The following NRG3 variants were observed in gnomAD, a reference collection of about 807,000 sequenced individuals.
NRG3 encodes pro-neuregulin-3, membrane-bound isoform.
Under a neutral mutation model 66.9 loss-of-function variants are expected in NRG3, and 31 were observed. That is an observed-to-expected ratio of 0.46 (90% confidence interval 0.35 to 0.63). The LOEUF (loss-of-function observed/expected upper bound fraction) is 0.63, where lower values mean the gene tolerates loss of function less well. Among genes scored for constraint, NRG3 ranks in the 20% least tolerant of loss-of-function variants. The probability of loss-of-function intolerance (pLI) is 0.00; values close to 1 mark genes in which losing one functional copy is unlikely to be tolerated. For missense variants in NRG3, 910 were observed against 878.9 expected (o/e 1.04, Z -0.45); for synonymous variants, 393 against 359.4 (o/e 1.09, Z -1.06).
At chr10:82,279,488 C>T (rs1357129394) in intron 1 of NRG3, among the ~76,000 whole-genome samples, 1 of 152,184 alleles carries the variant, frequency 6.6e-6, no homozygotes, top group Non-Finnish European at 1.5e-5. Context: ...TCAATAAACA[C>T]TTCATGAAGA....
intron 1 of NRG3, among the ~76,000 whole-genome samples, chr10:82,330,505 T>C (rs1371616200): frequency 6.6e-6 from 1 of 152,214 alleles, no homozygotes; most frequent in Non-Finnish European, 1.5e-5. Flanking sequence ...TGAACTGTTC[T>C]ATTAATGGAA....
chr10:81,901,930 A>G (rs1276694113), intron 1 of NRG3, among the ~76,000 whole-genome samples: 1 of 152,156 alleles, frequency 6.6e-6, no homozygotes, highest in East Asian at 1.9e-4. Context: ...TTACTTAACA[A>G]CAGTTCCAGC....
In NRG3 at chr10:82,553,174, T is replaced by C. The variant is rs143465034; in HGVS notation, c.954-185403T>C. 8.2e-3 allele frequency among the ~76,000 whole-genome samples: 1,245 copies of C among 152,242 alleles called. 10 individuals are homozygous for C. Among genetic ancestry groups the C allele is most frequent in the Non-Finnish European group, 0.011 (778 of 68,000 alleles). On this transcript the variant is annotated intron_variant, in intron 2 of 8. Transcript: ENST00000372141. Reference sequence around the variant, plus strand: ...TTTCTAAAATGAAGGCAAATGGAATTGTATGCAGGTTATTGTCCACAGCGG... The same window carrying C: ...TTTCTAAAATGAAGGCAAATGGAATCGTATGCAGGTTATTGTCCACAGCGG...
intron 1 of NRG3, among the ~76,000 whole-genome samples, chr10:81,996,280 G>T (rs927114850): frequency 2.0e-5 from 3 of 152,148 alleles, no homozygotes; most frequent in African/African-American, 4.8e-5. Flanking sequence ...CACTGTGCAT[G>T]TCTGAAGTCT....
At chr10:82,310,165 T>C (rs1310950774) in intron 1 of NRG3, among the ~76,000 whole-genome samples, 1 of 152,180 alleles carries the variant, frequency 6.6e-6, no homozygotes, top group Non-Finnish European at 1.5e-5. Context: ...TGACCTCCAA[T>C]TGTAAGCGCG....
chr10:82,426,315 C>T (rs1238127933), intron 2 of NRG3, among the ~76,000 whole-genome samples: 2 of 152,120 alleles, frequency 1.3e-5, no homozygotes, highest in Non-Finnish European at 2.9e-5. Context: ...AGTCCACGCT[C>T]AGTCTCCAGT....
At chr10:82,042,516 C>A (rs2064622) in intron 1 of NRG3, among the ~76,000 whole-genome samples, 96,622 of 151,774 alleles carry the variant, frequency 0.64, 32,325 homozygotes, top group South Asian at 0.87. Flanking sequence ...GAAGTTGGTG[C>A]TACTGTATTT....
intron 2 of NRG3, among the ~76,000 whole-genome samples, chr10:82,421,268 T>C (rs1476269306): frequency 2.0e-5 from 3 of 152,142 alleles, no homozygotes; most frequent in Admixed American, 6.6e-5. Context: ...TTCCAATTCA[T>C]CATGCTTTTG....
chr10:82,718,200 A>G (rs1294522338), intron 2 of NRG3, among the ~76,000 whole-genome samples: 1 of 152,180 alleles, frequency 6.6e-6, no homozygotes, highest in Non-Finnish European at 1.5e-5. Context: ...TTCTCCCTTC[A>G]GCCTAGGAGT....
intron 2 of NRG3, among the ~76,000 whole-genome samples, chr10:82,721,548 G>T (rs541861579): frequency 6.6e-6 from 1 of 152,082 alleles, no homozygotes; most frequent in South Asian, 2.1e-4. Flanking sequence ...TCAGCCTTTC[G>T]AGTAGCTAGG....
intron 2 of NRG3, among the ~76,000 whole-genome samples, chr10:82,636,127 AAG>A (rs1055483942): frequency 8.5e-5 from 13 of 152,170 alleles, no homozygotes; most frequent in Non-Finnish European, 1.6e-4. Context: ...AATTGCAAAT[AAG>A]AGAAAGAAAA....
chr10:82,910,268 G>A (rs557394854), intron 4 of NRG3, among the ~76,000 whole-genome samples: 1 of 152,332 alleles, frequency 6.6e-6, no homozygotes, highest in African/African-American at 2.4e-5. Context: ...ACTGCTGAAA[G>A]TCTGACACCA....
intron 1 of NRG3, among the ~76,000 whole-genome samples, chr10:82,059,646 C>A (rs2064029364): frequency 6.6e-6 from 1 of 152,122 alleles, no homozygotes. Context: ...CAATTCAAAT[C>A]ATTCTTACTT....
intron 1 of NRG3, among the ~76,000 whole-genome samples, chr10:82,329,015 C>A (rs1431723156): frequency 6.6e-6 from 1 of 152,170 alleles, no homozygotes; most frequent in Non-Finnish European, 1.5e-5. Context: ...CCATTTTCTG[C>A]ATCCTTTGCC....
chr10:81,995,021 C>T (rs1249617759), intron 1 of NRG3, among the ~76,000 whole-genome samples: 1 of 152,064 alleles, frequency 6.6e-6, no homozygotes, highest in Non-Finnish European at 1.5e-5. Context: ...TTTGGTCTCT[C>T]AGATATGTTT....
intron 4 of NRG3, among the ~76,000 whole-genome samples, chr10:82,912,340 A>G (rs1845400746): frequency 6.6e-6 from 1 of 152,234 alleles, no homozygotes; most frequent in African/African-American, 2.4e-5. Flanking sequence ...GTTTACAGGC[A>G]TCATACATTT....
rs115048763 is a variant in NRG3 at position 82,121,884 on chromosome 10, T to C, written c.824-236855T>C. On this transcript the variant is annotated intron_variant, in intron 1 of 8. Transcript: ENST00000372141. ...AACCCCTGGGCTCCAGCAATCCTCC[T>C]GTTTTGGCCTCCCAAAGTGCTAGGA... 4.4e-3 allele frequency among the ~76,000 whole-genome samples: 672 copies of C among 152,226 alleles called. 7 individuals are homozygous for C. The highest frequency in any genetic ancestry group is 0.016 in the African/African-American group (647 of 41,566).
At chr10:82,585,377 G>C (rs1053105493) in intron 2 of NRG3, among the ~76,000 whole-genome samples, 1 of 152,138 alleles carries the variant, frequency 6.6e-6, no homozygotes, top group Admixed American at 6.5e-5. Flanking sequence ...TGAACTCTAA[G>C]TCTGTGTGAG....
chr10:82,050,294 TG>T (rs2063530676), intron 1 of NRG3, among the ~76,000 whole-genome samples: 1 of 152,072 alleles, frequency 6.6e-6, no homozygotes, highest in Admixed American at 6.6e-5. Flanking sequence ...TTGAGGTTTT[TG>T]CCATCACCTT....
Sources: gnomAD v4.1 joint callset for allele counts (sites outside exome capture counted in the v4.1 genomes callset) on GRCh38, gnomAD v4.1.1 for gene constraint, MANE v1.5 for transcripts, NCBI Gene and HGNC (gene_info 2026-07-23, HGNC 2026-07-21) for gene names.